Variants in CIAO2A observed in about 807,000 individuals in gnomAD.
CIAO2A encodes MIP18 family protein FAM96A.
In CIAO2A, 17 loss-of-function variants were observed where a neutral mutation model predicts 22.4. That is an observed-to-expected ratio of 0.76 (90% CI 0.52 to 1.14). The LOEUF is 1.14. CIAO2A is among the 50% of genes most tolerant of loss of function. CIAO2A has a pLI of 0.00. For synonymous variants in CIAO2A, 74 were observed against 72.3 expected, an observed-to-expected ratio of 1.02 and a Z score of -0.12; for missense variants, 192 against 191.4, an observed-to-expected ratio of 1.00 and a Z score of -0.02.
chr15:64,079,091 T>G (rs1226232894), intron 3 of CIAO2A, among the ~76,000 whole-genome samples: 1 of 151,196 alleles, frequency 6.6e-6, no homozygotes, highest in Non-Finnish European at 1.5e-5. Context: ...AGAAATAGCT[T>G]TAGTTACAGA....
chr15:64,091,483 CAAAA>C (rs35800673), intron 1 of CIAO2A, among the ~76,000 whole-genome samples: 7 of 121,442 alleles, frequency 5.8e-5, no homozygotes, highest in Non-Finnish European at 1.1e-4. Flanking sequence ...GACTCTGTCT[CAAAA>C]AAAAAAAAAA....
chr15:64,079,851 G>T (rs761683638), intron 3 of CIAO2A, among the ~76,000 whole-genome samples: 59 of 151,998 alleles, frequency 3.9e-4, no homozygotes, highest in Non-Finnish European at 5.3e-4. Context: ...TACTGTAAAG[G>T]ACACCATCAA....
intron 2 of CIAO2A, among the ~76,000 whole-genome samples, chr15:64,086,245 C>T (rs2080793544): frequency 6.6e-6 from 1 of 151,470 alleles, no homozygotes; most frequent in Non-Finnish European, 1.5e-5. Context: ...CCCATCTCTA[C>T]TAAAAATACA....
chr15:64,073,947 A>G (rs1300194107), intron 4 of CIAO2A: 1 of 152,206 alleles, frequency 6.6e-6, no homozygotes, highest in African/African-American at 2.4e-5. Context: ...ATATATACAT[A>G]CATAAAACAG....
At chr15:64,093,231 G>C (rs1262519177) in intron 1 of CIAO2A, among the ~76,000 whole-genome samples, 1 of 152,192 alleles carries the variant, frequency 6.6e-6, no homozygotes, top group African/African-American at 2.4e-5. Flanking sequence ...AGCGCCCTCA[G>C]CGGTAGCAAG....
intron 1 of CIAO2A, among the ~76,000 whole-genome samples, chr15:64,093,400 G>A (rs2080859238): frequency 6.6e-6 from 1 of 152,040 alleles, no homozygotes; most frequent in African/African-American, 2.4e-5. Flanking sequence ...AAGACCTCTG[G>A]GTTCGGCTTG....
Position 64,072,903 on chromosome 15 carries a change from T to C in CIAO2A, c.*28A>G. On this transcript the variant is annotated 3_prime_UTR_variant, in exon 5 of 5. Coordinates refer to ENST00000300030, the MANE Select transcript of CIAO2A (RefSeq NM_032231.7). ...AGTTTAAACAAATATATCAAACAAT[T>C]ACAGGCCAGTGGCTCTTAAAACAGC... 1 of 1,419,560 alleles carries C rather than the reference T, an allele frequency of 7.0e-7. No individual in the cohort carries two copies. The highest frequency in any genetic ancestry group is 1.8e-4 in the Middle Eastern group (1 of 5,510). 87.9% of individuals were successfully genotyped at this position (1,419,560 alleles called of 1,614,324 possible). A position where few individuals can be genotyped will look rare whatever the true frequency, so the allele number is the denominator to read the frequency against.
intron 1 of CIAO2A, among the ~76,000 whole-genome samples, chr15:64,090,893 G>T (rs555668937): frequency 1.4e-4 from 21 of 152,340 alleles, no homozygotes; most frequent in African/African-American, 5.1e-4. Context: ...AAAATAAGCA[G>T]AAGGGAGTGG....
intron 2 of CIAO2A, among the ~76,000 whole-genome samples, chr15:64,083,127 A>T (rs1309001954): frequency 2.0e-5 from 3 of 150,608 alleles, no homozygotes; most frequent in Non-Finnish European, 1.5e-5. Context: ...ATAACCTGTT[A>T]TGCAATGTGT....
At chr15:64,087,084 C>CTTTTTTT (rs766247330) in intron 2 of CIAO2A, among the ~76,000 whole-genome samples, 1 of 76,058 alleles carries the variant, frequency 1.3e-5, no homozygotes, top group African/African-American at 4.8e-5. Context: ...GCTAATTTTG[C>CTTTTTTT]TTTTTTTTTT....
chr15:64,089,631 T>C (rs535948341), intron 1 of CIAO2A, among the ~76,000 whole-genome samples: 84 of 152,302 alleles, frequency 5.5e-4, no homozygotes, highest in Middle Eastern at 3.4e-3. Flanking sequence ...ATCAAGTGTC[T>C]TTTACAGCCA....
chr15:64,075,957 CG>C (rs1257563937), intron 3 of CIAO2A, among the ~76,000 whole-genome samples: 2 of 151,724 alleles, frequency 1.3e-5, no homozygotes, highest in East Asian at 1.9e-4. Context: ...CTGCGCCCAG[CG>C]CCCCCCAAAT....
intron 2 of CIAO2A, among the ~76,000 whole-genome samples, chr15:64,081,488 T>TA (rs879266571): frequency 9.2e-5 from 14 of 152,006 alleles, no homozygotes; most frequent in Non-Finnish European, 1.9e-4. Flanking sequence ...AGGCCATTTT[T>TA]ACTACATCAG....
At chr15:64,087,792 C>T (rs761309041) in intron 2 of CIAO2A, among the ~76,000 whole-genome samples, 48 of 152,260 alleles carry the variant, frequency 3.2e-4, no homozygotes, top group Non-Finnish European at 5.0e-4. Context: ...TCCCTCCCAC[C>T]CTTTCCCCCA....
At chr15:64,080,265 A>C (rs1205188804) in intron 3 of CIAO2A, among the ~76,000 whole-genome samples, 3 of 151,966 alleles carry the variant, frequency 2.0e-5, no homozygotes, top group Admixed American at 6.6e-5. Flanking sequence ...GTACATGCCT[A>C]TAATCCAAAC....
At chr15:64,086,419 T>C (rs2080795410) in intron 2 of CIAO2A, among the ~76,000 whole-genome samples, 1 of 151,788 alleles carries the variant, frequency 6.6e-6, no homozygotes, top group Admixed American at 6.6e-5. Flanking sequence ...GCTCAAAAAA[T>C]AAATAAATAA....
intron 2 of CIAO2A, among the ~76,000 whole-genome samples, chr15:64,086,738 C>T (rs186824173): frequency 3.3e-5 from 5 of 151,598 alleles, no homozygotes; most frequent in East Asian, 2.0e-4. Flanking sequence ...CTCAGCCTCC[C>T]GAGTAGCCGG....
chr15:64,083,962 TAAAATAAAAATAA>T (rs2080775348), intron 2 of CIAO2A, among the ~76,000 whole-genome samples: 1 of 151,178 alleles, frequency 6.6e-6, no homozygotes, highest in South Asian at 2.1e-4. Flanking sequence ...TAAAATAAAA[TAAAATAAAAATAA>T]AAAATAAAAA....
chr15:64,091,122 A>G (rs1326728843), intron 1 of CIAO2A, among the ~76,000 whole-genome samples: 1 of 151,338 alleles, frequency 6.6e-6, no homozygotes, highest in Non-Finnish European at 1.5e-5. Flanking sequence ...CAGAAATGCA[A>G]CTGGGAAAAA....
Sources: gnomAD v4.1 joint callset for allele counts (sites outside exome capture counted in the v4.1 genomes callset) on GRCh38, gnomAD v4.1.1 for gene constraint, MANE v1.5 for transcripts, NCBI Gene and HGNC (gene_info 2026-07-23, HGNC 2026-07-21) for gene names.